RAPGEF5: variants seen among roughly 807,000 people sequenced by gnomAD.
The protein encoded by RAPGEF5 is Rap guanine nucleotide exchange factor 5.
RAPGEF5 carries 65 observed loss-of-function variants against 125.2 expected under a neutral mutation model. That is an observed-to-expected ratio of 0.52 (90% CI 0.43 to 0.64). The LOEUF (loss-of-function observed/expected upper bound fraction) is 0.64, where lower values mean the gene tolerates loss of function less well. RAPGEF5 is among the 30% of genes least tolerant of loss of function. RAPGEF5 has a pLI of 0.00. For synonymous variants in RAPGEF5, 391 were observed against 385.9 expected (o/e 1.01, Z -0.16); for missense variants, 958 against 1,048.1 (o/e 0.91, Z 1.19).
At chr7:22,182,872 C>G (rs1239696038) in intron 11 of RAPGEF5, among the ~76,000 whole-genome samples, 1 of 152,182 alleles carries the variant, frequency 6.6e-6, no homozygotes, top group Non-Finnish European at 1.5e-5. Flanking sequence ...GTTTCAAATG[C>G]AGCCTTCATC....
Position 22,331,512 on chromosome 7 carries a change from G to A in RAPGEF5, c.232-13475C>T, listed in dbSNP as rs1483987360. On this transcript the variant is annotated intron_variant, in intron 1 of 25. Transcript: ENST00000665637. The stretch of plus-strand genomic sequence containing the variant: ...TGTAATCCCAGCACTTTGGGAGGCC[G>A]AGGCGGGCGGATCACGAGGTCAGGA... 3.0e-4 allele frequency among the ~76,000 whole-genome samples: 46 copies of A among 152,084 alleles called. 1 individual carries two copies. The highest frequency in any genetic ancestry group is 2.4e-3 in the Admixed American group (36 of 15,270).
At chr7:22,247,787 T>C (rs1215684944) in intron 7 of RAPGEF5, among the ~76,000 whole-genome samples, 4 of 152,042 alleles carry the variant, frequency 2.6e-5, no homozygotes, top group African/African-American at 9.7e-5. Context: ...TGAAATACTA[T>C]GCAGCCATAA....
In RAPGEF5 at chr7:22,315,470, C is replaced by G; in HGVS notation, c.289G>C (p.Gly97Arg). 1 of 1,484,990 alleles carries G rather than the reference C, an allele frequency of 6.7e-7. No homozygotes were observed. The highest frequency in any genetic ancestry group is 8.9e-7 in the Non-Finnish European group (1 of 1,120,062). The allele number at this position is 1,484,990 out of a possible 1,614,324, so 92.0% of individuals were successfully genotyped here. A position where few individuals can be genotyped will look rare whatever the true frequency, so the allele number is the denominator to read the frequency against. Residue 97 changes from glycine (G) to arginine (R), a missense_variant, in exon 3 of 26, where the codon GGA (glycine) becomes CGA (arginine). By Grantham distance (125) the Gly-to-Arg change is moderately radical. Coordinates refer to ENST00000665637, the MANE Select transcript of RAPGEF5 (RefSeq NM_012294.5). ...YLEHTPSQIYGENSSCAGRAL... is the reference protein window; with the variant it reads ...YLEHTPSQIYRENSSCAGRAL... Reference sequence around the variant, plus strand: ...CTTCCTGCACAAGAAGAATTCTCTCCATAAATCTAAATGGAAAAGACAGTC... The same window carrying G: ...CTTCCTGCACAAGAAGAATTCTCTCGATAAATCTAAATGGAAAAGACAGTC...
At chr7:22,128,527 T>C (rs975155425) in intron 24 of RAPGEF5, among the ~76,000 whole-genome samples, 1 of 152,244 alleles carries the variant, frequency 6.6e-6, no homozygotes, top group African/African-American at 2.4e-5. Context: ...GATCCTGTTT[T>C]ACCTTTAGAG....
intron 8 of RAPGEF5, among the ~76,000 whole-genome samples, chr7:22,227,606 G>A (rs143040262): frequency 2.3e-4 from 35 of 152,292 alleles, no homozygotes; most frequent in Middle Eastern, 6.8e-3. Context: ...TGGGGAGGCT[G>A]AGGTGGGCAG....
At chr7:22,133,757 C>T (rs1001552890) in intron 23 of RAPGEF5, among the ~76,000 whole-genome samples, 2 of 152,188 alleles carry the variant, frequency 1.3e-5, no homozygotes, top group Admixed American at 6.6e-5. Context: ...CTTAGCTCAG[C>T]TGGGTCTTCT....
At chr7:22,265,741 T>C (rs979892399) in intron 7 of RAPGEF5, among the ~76,000 whole-genome samples, 10 of 152,196 alleles carry the variant, frequency 6.6e-5, no homozygotes, top group African/African-American at 2.2e-4. Flanking sequence ...CCAGCATCTA[T>C]TATTTTTTGT....
chr7:22,148,561 A>C lies in RAPGEF5; in HGVS notation c.1885-1542T>G, dbSNP rs149921363. 3.9e-4 allele frequency among the ~76,000 whole-genome samples: 59 copies of C among 152,344 alleles called. 1 individual carries two copies. In the East Asian group the frequency reaches 9.4e-3, roughly 24 times the overall value. Reference sequence around the variant, plus strand: ...TTAACTGACATCTTTTGGTGATGAAATATCTAAATCTATGATTCCAGTAGG... The same window carrying C: ...TTAACTGACATCTTTTGGTGATGAACTATCTAAATCTATGATTCCAGTAGG... On this transcript the variant is annotated intron_variant, in intron 18 of 25. Coordinates refer to ENST00000665637, the MANE Select transcript of RAPGEF5 (RefSeq NM_012294.5).
In RAPGEF5 at chr7:22,268,488, A is replaced by G. The variant is rs114913721; in HGVS notation, c.748-1476T>C. Reference sequence around the variant, plus strand: ...AATTACTGCATATTTTACATATTTTAAATTGTTTGTAAGGTTTATTGTAGT... The same window carrying G: ...AATTACTGCATATTTTACATATTTTGAATTGTTTGTAAGGTTTATTGTAGT... On this transcript the variant is annotated intron_variant, in intron 6 of 25. Transcript: ENST00000665637. Among the ~76,000 whole-genome samples the G allele has an allele frequency of 6.1e-3, 931 of 152,336 alleles. 6 individuals carry two copies. The highest frequency in any genetic ancestry group is 0.021 in the African/African-American group (891 of 41,560).
At chr7:22,185,308 GAATA>G (rs1274614313) in intron 11 of RAPGEF5, among the ~76,000 whole-genome samples, 1 of 152,148 alleles carries the variant, frequency 6.6e-6, no homozygotes, top group Non-Finnish European at 1.5e-5. Flanking sequence ...GACAAGGTTT[GAATA>G]AATAAACTGG....
At chr7:22,339,507 A>G (rs953163294) in intron 1 of RAPGEF5, among the ~76,000 whole-genome samples, 1 of 152,172 alleles carries the variant, frequency 6.6e-6, no homozygotes, top group Non-Finnish European at 1.5e-5. Flanking sequence ...AAAAGCTGCA[A>G]TAACCATCCT....
intron 6 of RAPGEF5, among the ~76,000 whole-genome samples, chr7:22,267,843 G>A (rs1486262831): frequency 6.6e-6 from 1 of 151,938 alleles, no homozygotes; most frequent in Non-Finnish European, 1.5e-5. Flanking sequence ...GTGTGTTCAG[G>A]TGTTTGGAAC....
At position 22,119,673 on chromosome 7, in the gene RAPGEF5, G is replaced by C. The variant is rs1366575715; in HGVS notation, c.*2733C>G. On this transcript the variant is annotated 3_prime_UTR_variant, in exon 26 of 26. Coordinates refer to ENST00000665637, the MANE Select transcript of RAPGEF5 (RefSeq NM_012294.5). The surrounding 1 kb of genome is among the most constrained non-coding windows in gnomAD (Gnocchi z 4.1). ...TGTAACAAAAAGAGCCCACTTAGAA[G>C]TGCCCCTGCACCACCTGGTGCCGAA... 2.6e-5 allele frequency: 4 copies of C among 152,218 alleles called. No individual in the cohort carries two copies. The highest frequency in any genetic ancestry group is 9.6e-5 in the African/African-American group (4 of 41,454). The allele number at this position is 152,218 out of a possible 1,614,324, so 9.4% of individuals were successfully genotyped here. A position where few individuals can be genotyped will look rare whatever the true frequency, so the allele number is the denominator to read the frequency against.
Position 22,357,016 on chromosome 7 carries a change from C to G in RAPGEF5, c.45G>C (p.Glu15Asp), listed in dbSNP as rs551903959. Reference sequence around the variant, plus strand: ...CCGCCGCGGCGGCCAGGGCCGGGCTCTCGCACGGCGGCTGCATCTTGACGG... The same window carrying G: ...CCGCCGCGGCGGCCAGGGCCGGGCTGTCGCACGGCGGCTGCATCTTGACGG... ...VGSVKMQPPC[E>D]SPALAAAAAV... The change falls in exon 1 of 26, where the codon GAG becomes GAC. Residue 15 changes from glutamate to aspartate, a missense_variant. Transcript: ENST00000665637. 1.9e-6 allele frequency: 2 copies of G among 1,028,728 alleles called. No homozygotes were observed. Among genetic ancestry groups the G allele is most frequent in the South Asian group, 4.4e-5 (1 of 22,584 alleles). The allele number at this position is 1,028,728 out of a possible 1,614,324, so 63.7% of individuals were successfully genotyped here. A position where few individuals can be genotyped will look rare whatever the true frequency, so the allele number is the denominator to read the frequency against.
chr7:22,155,781 G>A (rs1366176054), intron 16 of RAPGEF5, among the ~76,000 whole-genome samples: 1 of 152,192 alleles, frequency 6.6e-6, no homozygotes, highest in Non-Finnish European at 1.5e-5. Flanking sequence ...GAATTTTTAA[G>A]CAAGGCAAAA....
chr7:22,254,980 G>A (rs926258054), intron 7 of RAPGEF5, among the ~76,000 whole-genome samples: 2 of 152,128 alleles, frequency 1.3e-5, no homozygotes, highest in South Asian at 2.1e-4. Flanking sequence ...CCAAACCATC[G>A]ACCAGAGATT....
At chr7:22,269,445 A>G (rs1265805867) in intron 6 of RAPGEF5, among the ~76,000 whole-genome samples, 2 of 149,906 alleles carry the variant, frequency 1.3e-5, no homozygotes, top group Non-Finnish European at 3.0e-5. Context: ...GGCAATTGAC[A>G]CTCACTCATT....
intron 7 of RAPGEF5, among the ~76,000 whole-genome samples, chr7:22,258,624 CAAAAAA>C (rs34352575): frequency 1.1e-4 from 5 of 45,808 alleles, no homozygotes; most frequent in Non-Finnish European, 2.0e-4. Flanking sequence ...AACTCCGTCT[CAAAAAA>C]AAAAAAAAAA....
intron 1 of RAPGEF5, among the ~76,000 whole-genome samples, chr7:22,353,689 G>A (rs1784370701): frequency 6.6e-6 from 1 of 152,186 alleles, no homozygotes; most frequent in South Asian, 2.1e-4. Context: ...TTTTTAAGAG[G>A]TAGTTAGGGC....
Sources: allele counts gnomAD v4.1 joint callset (sites outside exome capture counted in the v4.1 genomes callset), GRCh38; gene constraint gnomAD v4.1.1; non-coding constraint Gnocchi (gnomAD v3.1); transcripts MANE v1.5; gene names NCBI Gene and HGNC (gene_info 2026-07-23, HGNC 2026-07-21).